The following PCSK6 variants were observed in gnomAD, a reference collection of about 807,000 sequenced individuals.
PCSK6 encodes the protein paired basic amino acid cleaving enzyme 4.
In PCSK6, 85 loss-of-function variants were observed where a neutral mutation model predicts 123.3. The ratio of observed to expected loss-of-function variants is 0.69; its 90% confidence interval spans 0.58 to 0.83. PCSK6 has a LOEUF of 0.83. PCSK6 is among the 40% of genes least tolerant of loss of function. The pLI is 0.00. For missense variants in PCSK6, 1,191 were observed against 1,282.3 expected, an observed-to-expected ratio of 0.93 and a Z score of 1.09; for synonymous variants, 508 against 516.0, an observed-to-expected ratio of 0.98 and a Z score of 0.21.
At chr15:101,387,764 C>G (rs2042109560) in intron 9 of PCSK6, among the ~76,000 whole-genome samples, 1 of 152,284 alleles carries the variant, frequency 6.6e-6, no homozygotes, top group African/African-American at 2.4e-5. Context: ...GCCCCAGTTC[C>G]TTCCACAGCA....
intron 6 of PCSK6, among the ~76,000 whole-genome samples, chr15:101,420,103 A>G (rs1157559716): frequency 6.7e-6 from 1 of 148,874 alleles, no homozygotes; most frequent in Non-Finnish European, 1.5e-5. Flanking sequence ...AGGCAGGAGA[A>G]TTGCTTGAAC....
intron 1 of PCSK6, among the ~76,000 whole-genome samples, chr15:101,458,192 C>T (rs2057239927): frequency 6.6e-6 from 1 of 152,208 alleles, no homozygotes; most frequent in African/African-American, 2.4e-5. Context: ...TGCACTATCT[C>T]AGCAAACAAC....
At chr15:101,388,905 A>G (rs2042148222) in intron 9 of PCSK6, among the ~76,000 whole-genome samples, 1 of 152,184 alleles carries the variant, frequency 6.6e-6, no homozygotes, top group South Asian at 2.1e-4. Context: ...CGGGGGGTCA[A>G]TGGGGAGTGT....
intron 1 of PCSK6, among the ~76,000 whole-genome samples, chr15:101,478,036 C>G (rs1354071058): frequency 2.0e-5 from 3 of 152,174 alleles, no homozygotes; most frequent in African/African-American, 2.4e-5. Context: ...CCCCTCTGCC[C>G]TAGCCACTTA....
chr15:101,402,273 G>C (rs2042612755), intron 6 of PCSK6, among the ~76,000 whole-genome samples: 2 of 147,880 alleles, frequency 1.4e-5, no homozygotes, highest in South Asian at 4.4e-4. Flanking sequence ...GTTAATTCAA[G>C]ATGGATTAAA....
intron 6 of PCSK6, among the ~76,000 whole-genome samples, chr15:101,416,147 G>C (rs537959068): frequency 1.3e-5 from 2 of 152,332 alleles, no homozygotes; most frequent in South Asian, 4.1e-4. Context: ...GAATGGCTTT[G>C]ACAAAAATGC....
At chr15:101,399,297 C>G (rs768755353) in intron 6 of PCSK6, among the ~76,000 whole-genome samples, 6 of 152,150 alleles carry the variant, frequency 3.9e-5, no homozygotes, top group African/African-American at 1.2e-4. Flanking sequence ...AATTCCACTC[C>G]GACGTATAAC....
At chr15:101,410,771 G>A (rs986533269) in intron 6 of PCSK6, among the ~76,000 whole-genome samples, 7 of 152,218 alleles carry the variant, frequency 4.6e-5, no homozygotes, top group Non-Finnish European at 1.0e-4. Context: ...ACAGGCCTGA[G>A]CTCAAGCCTC....
chr15:101,384,621 GA>G (rs1440776484), intron 9 of PCSK6, among the ~76,000 whole-genome samples, 196 bp from the exon 10 acceptor site: 2 of 152,164 alleles, frequency 1.3e-5, no homozygotes, highest in East Asian at 1.9e-4. Context: ...AATCCTGAGG[GA>G]AAAAAAGGTT....
chr15:101,415,164 C>T (rs1315742662), intron 6 of PCSK6, among the ~76,000 whole-genome samples: 3 of 152,164 alleles, frequency 2.0e-5, no homozygotes, highest in Non-Finnish European at 4.4e-5. Flanking sequence ...TCATGGAAAC[C>T]AGCATTCCTT....
At chr15:101,453,079 T>C (rs1343283186) in intron 1 of PCSK6, among the ~76,000 whole-genome samples, 1 of 152,216 alleles carries the variant, frequency 6.6e-6, no homozygotes, top group Non-Finnish European at 1.5e-5. Flanking sequence ...AAAGAATGTA[T>C]GGTCTAAACT....
At chr15:101,414,997 T>C (rs940493150) in intron 6 of PCSK6, among the ~76,000 whole-genome samples, 8 of 152,212 alleles carry the variant, frequency 5.3e-5, no homozygotes, top group African/African-American at 1.9e-4. Context: ...TCAATCAAAG[T>C]ACAGGTGTTA....
intron 13 of PCSK6, among the ~76,000 whole-genome samples, chr15:101,341,492 C>G (rs1458155030): frequency 6.6e-6 from 1 of 152,064 alleles, no homozygotes; most frequent in Non-Finnish European, 1.5e-5. Flanking sequence ...GAACTCCTCA[C>G]CTCAGGTGAT....
chr15:101,319,118 C>T lies in PCSK6; in HGVS notation c.2466-696G>A, dbSNP rs559794209. Among the ~76,000 whole-genome samples, 8 of 152,370 alleles carry T rather than the reference C, an allele frequency of 5.3e-5. No homozygotes were observed. The South Asian group carries it at 1.7e-3, about 32-fold the overall frequency. ...CCAAGCAAGCCAGCCAGCCCCTCTA[C>T]ATCTGTTTCCCTTCCTGTTAATTGG... On this transcript the variant is annotated intron_variant, in intron 18 of 21. Coordinates refer to ENST00000611716, the MANE Select transcript of PCSK6 (RefSeq NM_002570.5).
At chr15:101,321,907 C>T (rs1249486989) in intron 18 of PCSK6, among the ~76,000 whole-genome samples, 5 of 152,214 alleles carry the variant, frequency 3.3e-5, no homozygotes, top group Admixed American at 6.5e-5. Flanking sequence ...GACAGCAATT[C>T]GGAGGAACAG....
chr15:101,328,265 G>C (rs891686237), intron 15 of PCSK6, among the ~76,000 whole-genome samples: 2 of 152,198 alleles, frequency 1.3e-5, no homozygotes, highest in Non-Finnish European at 2.9e-5. Context: ...GGTCTGTCTT[G>C]CTTGATAAAG....
chr15:101,484,783 T>C (rs916964879), intron 1 of PCSK6, among the ~76,000 whole-genome samples: 23 of 152,266 alleles, frequency 1.5e-4, no homozygotes, highest in Admixed American at 1.5e-3. Flanking sequence ...TTGAGAGATG[T>C]ATCTGTGTAG....
intron 18 of PCSK6, among the ~76,000 whole-genome samples, chr15:101,319,302 G>C (rs571582599): frequency 6.6e-6 from 1 of 152,222 alleles, no homozygotes; most frequent in Admixed American, 6.5e-5. Flanking sequence ...GTTCTAGATG[G>C]GTTTGCCATA....
chr15:101,324,584 G>A (rs375615698), intron 17 of PCSK6, among the ~76,000 whole-genome samples: 1 of 152,240 alleles, frequency 6.6e-6, no homozygotes, highest in African/African-American at 2.4e-5. Flanking sequence ...TCTGTTGCAG[G>A]TGGGTGAAAT....
Sources: allele counts gnomAD v4.1 joint callset (sites outside exome capture counted in the v4.1 genomes callset), GRCh38; gene constraint gnomAD v4.1.1; transcripts MANE v1.5; gene names NCBI Gene and HGNC (gene_info 2026-07-23, HGNC 2026-07-21).